The following DOCK8 variants were observed in gnomAD, a reference collection of about 807,000 sequenced individuals.
DOCK8 encodes the protein dedicator of cytokinesis 8, also known as dedicator of cytokinesis protein 8.
DOCK8 carries 141 observed loss-of-function variants against 245.6 expected under a neutral mutation model. That is an observed-to-expected ratio of 0.57 (90% confidence interval 0.50 to 0.66). The LOEUF (loss-of-function observed/expected upper bound fraction) is 0.66, where lower values mean the gene tolerates loss of function less well. DOCK8 is among the 30% of genes least tolerant of loss of function. The probability of loss-of-function intolerance (pLI) is 0.00; values close to 1 mark genes in which losing one functional copy is unlikely to be tolerated. For missense variants in DOCK8, 2,965 were observed against 2,603.4 expected, an observed-to-expected ratio of 1.14 and a Z score of -3.02; for synonymous variants, 1,168 against 970.2, an observed-to-expected ratio of 1.20 and a Z score of -3.79.
At position 308,185 on chromosome 9, in the gene DOCK8, A is replaced by G. The variant is rs186383372; in HGVS notation, c.528+3481A>G. ...AATAATAATTTATTCTGTGTTTCCA[A>G]ATAGCTAGAAGAAAGGATTTTGAAT... is the stretch of plus-strand genomic sequence containing the variant. On this transcript the variant is annotated intron_variant, in intron 5 of 47. Transcript: ENST00000432829. Among the ~76,000 whole-genome samples the G allele has an allele frequency of 4.6e-5, 7 of 152,362 alleles. No individual in the cohort carries two copies. In the East Asian group the frequency reaches 9.6e-4, roughly 21 times the overall value.
intron 14 of DOCK8, among the ~76,000 whole-genome samples, chr9:364,976 A>G (rs2052911763): frequency 6.6e-6 from 1 of 152,150 alleles, no homozygotes; most frequent in Non-Finnish European, 1.5e-5. Flanking sequence ...CCATTTAGTG[A>G]ATGGGGAAGC....
chr9:417,925 A>T (rs79169651), intron 29 of DOCK8, 143 bp from the exon 30 acceptor site: 1 of 962,074 alleles, frequency 1.0e-6, no homozygotes, highest in East Asian at 2.6e-5. Context: ...CCTATAGGTG[A>T]TAGCAGATAC....
chr9:379,194 A>G (rs1367963779), intron 20 of DOCK8, among the ~76,000 whole-genome samples: 2 of 152,194 alleles, frequency 1.3e-5, no homozygotes, highest in African/African-American at 4.8e-5. Context: ...CAAACTATAG[A>G]GGCTTAGGGC....
intron 4 of DOCK8, among the ~76,000 whole-genome samples, chr9:303,621 AGACACCAGG>A (rs1483230183): frequency 2.6e-5 from 4 of 152,226 alleles, no homozygotes; most frequent in African/African-American, 9.6e-5. Context: ...ATAACACGGT[AGACACCAGG>A]GATTACTAAA....
chr9:464,084 C>T, intron 47 of DOCK8, 75 bp from the exon 48 acceptor site: 5 of 1,313,584 alleles, frequency 3.8e-6, no homozygotes, highest in South Asian at 3.5e-5. Context: ...CCAACCCTTT[C>T]TAAAAGGCTA....
At chr9:244,206 AAAAT>A (rs1239250351) in intron 1 of DOCK8, among the ~76,000 whole-genome samples, 17 of 151,482 alleles carry the variant, frequency 1.1e-4, no homozygotes, top group African/African-American at 3.4e-4. Context: ...AAAAAAAAAA[AAAAT>A]TTTAGCTCTC....
intron 26 of DOCK8, among the ~76,000 whole-genome samples, chr9:400,278 C>T (rs2054813438): frequency 1.3e-5 from 1 of 78,734 alleles, no homozygotes; most frequent in Non-Finnish European, 2.3e-5. Flanking sequence ...CCATCACCAC[C>T]ACTTCCTTCA....
At chr9:405,136 T>A in intron 27 of DOCK8, 63 bp downstream of exon 27, 1 of 1,471,172 alleles carries the variant, frequency 6.8e-7, no homozygotes, top group South Asian at 1.2e-5. Context: ...TAGCTCAGTT[T>A]AATCATGTAT....
intron 1 of DOCK8, among the ~76,000 whole-genome samples, chr9:247,572 C>T (rs1370850172): frequency 1.3e-5 from 2 of 152,114 alleles, no homozygotes; most frequent in East Asian, 1.9e-4. Context: ...CTCGCTCTGT[C>T]GCCCAGGCTG....
intron 9 of DOCK8, 50 bp downstream of exon 9, chr9:328,221 T>A (rs1336731415): frequency 6.3e-7 from 1 of 1,576,634 alleles, no homozygotes; most frequent in African/African-American, 1.4e-5. Context: ...CATTGCTGTG[T>A]TGTTCCCAGC....
At position 386,518 on chromosome 9, in the gene DOCK8, C is replaced by T. The variant is rs1040757891; in HGVS notation, c.2874+92C>T. The T allele has an allele frequency of 3.7e-6, 4 of 1,079,024 alleles. No individual in the cohort carries two copies. In the African/African-American group the frequency reaches 4.7e-5, roughly 13 times the overall value. 66.8% of individuals were successfully genotyped at this position (1,079,024 alleles called of 1,614,324 possible). On this transcript the variant is annotated intron_variant, in intron 23 of 47. Coordinates refer to ENST00000432829, the MANE Select transcript of DOCK8 (RefSeq NM_203447.4). ...ACTGTGCTTGGGAATAGTCAAAGTG[C>T]TCCCCTGCCTGTCCCTGATGTGCTA...
intron 1 of DOCK8, among the ~76,000 whole-genome samples, chr9:233,843 C>T (rs557747607): frequency 6.6e-6 from 1 of 151,968 alleles, no homozygotes; most frequent in African/African-American, 2.4e-5. Context: ...GGTCTTGACT[C>T]TTTATCCAAT....
chr9:386,786 T>C (rs1259121864), intron 23 of DOCK8, among the ~76,000 whole-genome samples: 4 of 152,258 alleles, frequency 2.6e-5, no homozygotes, highest in African/African-American at 9.6e-5. Context: ...GGACCACATT[T>C]TGAGAACCAC....
intron 24 of DOCK8, among the ~76,000 whole-genome samples, chr9:392,914 C>G (rs1279401824): frequency 6.6e-6 from 1 of 151,662 alleles, no homozygotes; most frequent in Non-Finnish European, 1.5e-5. Context: ...TTCACTCAGC[C>G]TAGCTCTGCA....
intron 5 of DOCK8, among the ~76,000 whole-genome samples, chr9:308,621 G>C (rs2049954252): frequency 6.6e-6 from 1 of 152,024 alleles, no homozygotes; most frequent in African/African-American, 2.4e-5. Flanking sequence ...TTTCATATTA[G>C]CAATATACTG....
Position 286,465 on chromosome 9 carries a change from A to G in DOCK8, c.161A>G (p.Gln54Arg), listed in dbSNP as rs2048827572. The change falls in exon 3 of 48, where the codon CAG becomes CGG. Residue 54 changes from glutamine to arginine, a missense_variant. Gln to Arg is a conservative substitution (Grantham distance 43). This residue lies in a region of DOCK8 where 2,825 missense variants were observed against 2,453.5 expected (regional missense o/e 1.15). Transcript: ENST00000432829. ...TSGFPSLQLPQFYDPVEPVDF... is the reference protein window; with the variant it reads ...TSGFPSLQLPRFYDPVEPVDF... Reference sequence around the variant, plus strand: ...TCCTTTTCCCTGCCCCTCCAGCCTCAGTTTTATGACCCTGTGGAGCCAGTG... The same window carrying G: ...TCCTTTTCCCTGCCCCTCCAGCCTCGGTTTTATGACCCTGTGGAGCCAGTG... The G allele has an allele frequency of 6.2e-7, 1 of 1,613,670 alleles. No individual in the cohort carries two copies. Among genetic ancestry groups the G allele is most frequent in the African/African-American group, 1.3e-5 (1 of 74,880 alleles).
rs1206052881 is a variant in DOCK8, at chr9:408,883, C to T, written c.3530+1814C>T. Among the ~76,000 whole-genome samples, 176 of 123,218 alleles carry T rather than the reference C, an allele frequency of 1.4e-3. 6 individuals carry two copies. The highest frequency in any genetic ancestry group is 6.0e-3 in the African/African-American group (172 of 28,518). The allele number at this position is 123,218 out of a possible 152,430, so 80.8% of individuals were successfully genotyped here. A position where few individuals can be genotyped will look rare whatever the true frequency, so the allele number is the denominator to read the frequency against. The stretch of plus-strand genomic sequence containing the variant: ...TCAAACACACACACACACACACACA[C>T]ACACGCACACACGCGCGTGCACATG... On this transcript the variant is annotated intron_variant, in intron 28 of 47. Coordinates refer to ENST00000432829, the MANE Select transcript of DOCK8 (RefSeq NM_203447.4).
At chr9:352,629 G>A (rs909107214) in intron 14 of DOCK8, among the ~76,000 whole-genome samples, 1 of 151,978 alleles carries the variant, frequency 6.6e-6, no homozygotes, top group African/African-American at 2.4e-5. Context: ...TGTAATCCCA[G>A]CTACTTGGGA....
intron 1 of DOCK8, among the ~76,000 whole-genome samples, chr9:255,468 G>A (rs1289980737): frequency 6.6e-6 from 1 of 152,102 alleles, no homozygotes; most frequent in African/African-American, 2.4e-5. Flanking sequence ...AGGAGTTTGA[G>A]ATCAGCCTGG....
Sources: allele counts gnomAD v4.1 joint callset (sites outside exome capture counted in the v4.1 genomes callset), GRCh38; gene constraint gnomAD v4.1.1; regional missense constraint gnomAD v4.1.1; transcripts MANE v1.5; gene names NCBI Gene and HGNC (gene_info 2026-07-23, HGNC 2026-07-21).